Variants in LARP1 observed in about 807,000 individuals in gnomAD.
LARP1 encodes la-related protein 1.
In LARP1, 36 loss-of-function variants were observed where a neutral mutation model predicts 122.7. The ratio of observed to expected loss-of-function variants is 0.29; its 90% CI spans 0.22 to 0.39. The LOEUF is 0.39. Among genes scored for constraint, LARP1 ranks in the 10% least tolerant of loss-of-function variants. The pLI, the probability that LARP1 is intolerant of heterozygous loss-of-function variation, is 1.00. For missense variants in LARP1, 1,040 were observed against 1,403.6 expected (o/e 0.74, Z 4.14); for synonymous variants, 539 against 528.7 (o/e 1.02, Z -0.27).
At chr5:154,806,934 G>A (rs1758837958) in intron 15 of LARP1, among the ~76,000 whole-genome samples, 1 of 152,032 alleles carries the variant, frequency 6.6e-6, no homozygotes, top group South Asian at 2.1e-4. Flanking sequence ...CCCCCAAAAT[G>A]CTATGCCCCT....
intron 1 of LARP1, among the ~76,000 whole-genome samples, chr5:154,778,057 C>A (rs993674603): frequency 1.3e-5 from 2 of 151,866 alleles, no homozygotes; most frequent in African/African-American, 4.8e-5. Flanking sequence ...TTCAGGAGAT[C>A]GAGACCATCC....
chr5:154,732,002 CAG>C (rs1029237194), intron 1 of LARP1, among the ~76,000 whole-genome samples: 8 of 144,052 alleles, frequency 5.6e-5, no homozygotes, highest in Middle Eastern at 3.7e-3. Context: ...AGCCTGGTAA[CAG>C]AGTGAGACTC....
At chr5:154,786,482 C>A in intron 1 of LARP1, 3 of 456,120 alleles carry the variant, frequency 6.6e-6, no homozygotes, top group Non-Finnish European at 1.3e-5. Flanking sequence ...TCCAGATACC[C>A]TTTAGGGCTG....
intron 1 of LARP1, among the ~76,000 whole-genome samples, chr5:154,746,215 G>A (rs977248116): frequency 1.3e-5 from 2 of 151,942 alleles, no homozygotes; most frequent in East Asian, 1.9e-4. Context: ...TGTTCCCAGC[G>A]GGAGGGACCA....
At chr5:154,711,117 A>G (rs1755196015), upstream of LARP1, among the ~76,000 whole-genome samples, 1 of 150,792 alleles carries the variant, frequency 6.6e-6, no homozygotes, top group African/African-American at 2.4e-5. Context: ...CGTCAGTGTC[A>G]GGATTTTGTT....
intron 8 of LARP1, among the ~76,000 whole-genome samples, chr5:154,795,888 A>T (rs1655592798): frequency 7.8e-6 from 1 of 127,404 alleles, no homozygotes; most frequent in African/African-American, 2.9e-5. Context: ...ATATACATTT[A>T]TATATATTTA....
At chr5:154,771,066 C>G (rs1049135361) in intron 1 of LARP1, among the ~76,000 whole-genome samples, 3 of 150,672 alleles carry the variant, frequency 2.0e-5, no homozygotes, top group Non-Finnish European at 4.4e-5. Context: ...GAGCCAAGAT[C>G]GCGCCACTGC....
At chr5:154,686,252 G>A (rs1489535666) in intron 1 of LARP1, among the ~76,000 whole-genome samples, 1 of 152,242 alleles carries the variant, frequency 6.6e-6, no homozygotes, top group African/African-American at 2.4e-5. Context: ...AGAGCTAAAT[G>A]TGTGGTGCAG....
intron 7 of LARP1, 67 bp downstream of exon 7, chr5:154,794,329 T>C: frequency 6.5e-7 from 1 of 1,531,934 alleles, no homozygotes; most frequent in South Asian, 1.2e-5. Context: ...TAGAGTGTCA[T>C]AGCTGGGCAG....
chr5:154,703,408 G>A (rs1045281534), intron 1 of LARP1, among the ~76,000 whole-genome samples: 3 of 152,084 alleles, frequency 2.0e-5, no homozygotes, highest in Non-Finnish European at 4.4e-5. Context: ...GGGCCCCTTT[G>A]CCATCTGCAC....
chr5:154,779,509 T>C (rs1462763769), intron 1 of LARP1, among the ~76,000 whole-genome samples: 4 of 149,506 alleles, frequency 2.7e-5, no homozygotes, highest in Admixed American at 6.7e-5. Flanking sequence ...TTCTCTCTTT[T>C]TTTTTTTTTT....
chr5:154,766,050 A>G (rs1219722732), intron 1 of LARP1, among the ~76,000 whole-genome samples: 1 of 152,182 alleles, frequency 6.6e-6, no homozygotes, highest in Non-Finnish European at 1.5e-5. Flanking sequence ...TAGAAATGGG[A>G]AGGATGAGTA....
intron 1 of LARP1, among the ~76,000 whole-genome samples, chr5:154,690,739 C>T (rs1468794955): frequency 7.1e-6 from 1 of 140,428 alleles, no homozygotes; most frequent in Non-Finnish European, 1.5e-5. Flanking sequence ...GCGGAGGACG[C>T]GCAGGTCTCG....
chr5:154,752,085 C>T (rs542584324), upstream of LARP1, among the ~76,000 whole-genome samples: 4 of 152,212 alleles, frequency 2.6e-5, 1 homozygote, highest in South Asian at 8.3e-4. Context: ...GTTAGGATTA[C>T]AGGTGTGAGT....
At chr5:154,755,118 C>T (rs1413200106), upstream of LARP1, among the ~76,000 whole-genome samples, 2 of 151,838 alleles carry the variant, frequency 1.3e-5, no homozygotes, top group African/African-American at 4.8e-5. Flanking sequence ...CGCCCCCGTC[C>T]GGTCTGAGCG....
chr5:154,703,313 G>A (rs148307573), intron 1 of LARP1, among the ~76,000 whole-genome samples: 1 of 152,102 alleles, frequency 6.6e-6, no homozygotes, highest in Non-Finnish European at 1.5e-5. Context: ...AGGACCTTAT[G>A]CCAGTTGCCT....
intron 1 of LARP1, among the ~76,000 whole-genome samples, chr5:154,764,534 G>C (rs1157294215): frequency 2.5e-5 from 1 of 39,704 alleles, no homozygotes; most frequent in African/African-American, 1.6e-4. Context: ...CCAGGAGGTC[G>C]AGGCTATATT....
exon 1 of LARP1, among the ~76,000 whole-genome samples, chr5:154,683,015 G>A (rs1253241504): frequency 1.3e-5 from 2 of 152,216 alleles, no homozygotes. Context: ...GCTGCCGGCC[G>A]TGCTGGGAGA....
At position 154,755,468 on chromosome 5, in the gene LARP1, G is replaced by C. The variant is rs1047242187; in HGVS notation, c.-290G>C. 1.5e-5 allele frequency: 13 copies of C among 851,158 alleles called. No individual in the cohort carries two copies. The Middle Eastern group carries it at 1.1e-3, about 74-fold the overall frequency. 52.7% of individuals were successfully genotyped at this position (851,158 alleles called of 1,614,324 possible). On this transcript the variant is annotated 5_prime_UTR_variant, in exon 1 of 19. Transcript: ENST00000518297. ...ACGGGACTAGAAGCCTGCCGGGCTC[G>C]GGGTGGGGGCGTCTTGCGAGGAACG...
Sources: gnomAD v4.1 joint callset for allele counts (sites outside exome capture counted in the v4.1 genomes callset) on GRCh38, gnomAD v4.1.1 for gene constraint, MANE v1.5 for transcripts, NCBI Gene and HGNC (gene_info 2026-07-23, HGNC 2026-07-21) for gene names.